Variants in SHANK2 observed in about 807,000 individuals in gnomAD.
The protein encoded by SHANK2 is SH3 and multiple ankyrin repeat domains protein 2.
Under a neutral mutation model 133.7 loss-of-function variants are expected in SHANK2, and 43 were observed. The observed-to-expected ratio is 0.32, with a 90% CI of 0.25 to 0.41. The LOEUF (loss-of-function observed/expected upper bound fraction) is 0.41. Ranked by LOEUF, SHANK2 falls within the 10% of genes least tolerant of loss-of-function variation. The pLI, the probability that SHANK2 is intolerant of heterozygous loss-of-function variation, is 1.00. For synonymous variants in SHANK2, 1,017 were observed against 952.8 expected (o/e 1.07, Z -1.24); for missense variants, 1,994 against 2,235.8 (o/e 0.89, Z 2.18).
intron 14 of SHANK2, among the ~76,000 whole-genome samples, chr11:70,718,300 A>T (rs1285179635): frequency 1.3e-5 from 2 of 152,184 alleles, no homozygotes; most frequent in Non-Finnish European, 2.9e-5. Flanking sequence ...CTTTCTGTGA[A>T]GGGGCAGCCG....
intron 10 of SHANK2, among the ~76,000 whole-genome samples, chr11:70,910,590 T>A (rs1950176639): frequency 6.6e-6 from 1 of 152,128 alleles, no homozygotes; most frequent in South Asian, 2.1e-4. Flanking sequence ...GACAGATGAC[T>A]TGAGGTCAGG....
chr11:70,814,489 T>C (rs1468778461), intron 12 of SHANK2, among the ~76,000 whole-genome samples: 3 of 152,198 alleles, frequency 2.0e-5, no homozygotes, highest in Non-Finnish European at 4.4e-5. Context: ...GAAGCCCCTC[T>C]GCGGGCCCCA....
chr11:70,611,012 C>T (rs967249182), intron 17 of SHANK2, among the ~76,000 whole-genome samples: 3 of 152,212 alleles, frequency 2.0e-5, no homozygotes, highest in Non-Finnish European at 1.5e-5. Flanking sequence ...CACCCTGATC[C>T]CTTTGAACGT....
chr11:71,136,120 T>C (rs1235997570), intron 3 of SHANK2, among the ~76,000 whole-genome samples: 12 of 152,226 alleles, frequency 7.9e-5, no homozygotes, highest in African/African-American at 1.9e-4. Flanking sequence ...CAGCTGACCA[T>C]TGAGTGGGAA....
intron 14 of SHANK2, among the ~76,000 whole-genome samples, chr11:70,710,611 AGT>A (rs1256684828): frequency 6.6e-6 from 1 of 152,224 alleles, no homozygotes; most frequent in African/African-American, 2.4e-5. Context: ...TTTGAAAGCA[AGT>A]ACTTTTCTCT....
At chr11:71,251,462 G>T (rs149126142) in intron 1 of SHANK2, among the ~76,000 whole-genome samples, 1,923 of 152,050 alleles carry the variant, frequency 0.013, 40 homozygotes, top group African/African-American at 0.044. Flanking sequence ...GTGCGCTGTC[G>T]GCGTCTCTGG....
At chr11:71,140,011 G>A (rs1293312915) in intron 3 of SHANK2, among the ~76,000 whole-genome samples, 2 of 152,192 alleles carry the variant, frequency 1.3e-5, no homozygotes, top group East Asian at 3.9e-4. Flanking sequence ...GGGCACTGGG[G>A]CCTCGGTGCA....
chr11:70,633,009 G>C (rs1314576802), intron 17 of SHANK2, among the ~76,000 whole-genome samples: 1 of 152,052 alleles, frequency 6.6e-6, no homozygotes, highest in Non-Finnish European at 1.5e-5. Flanking sequence ...ATTGAGGAGA[G>C]AGGTCCTGGG....
chr11:70,575,489 A>G (rs1554984040), intron 17 of SHANK2, among the ~76,000 whole-genome samples: 1 of 149,062 alleles, frequency 6.7e-6, no homozygotes, highest in Non-Finnish European at 1.5e-5. Context: ...ACTGCACTCC[A>G]GCCAGGGCAA....
chr11:70,800,035 G>GT (rs1172464403), intron 13 of SHANK2, among the ~76,000 whole-genome samples: 32 of 150,888 alleles, frequency 2.1e-4, no homozygotes, highest in African/African-American at 7.8e-4. Context: ...TTTTTTTTTT[G>GT]TTTTTTGTTT....
intron 14 of SHANK2, among the ~76,000 whole-genome samples, chr11:70,743,006 G>A (rs1298817117): frequency 6.6e-6 from 1 of 152,242 alleles, no homozygotes; most frequent in Admixed American, 6.5e-5. Context: ...ATATTTTGCT[G>A]AACACACCAT....
chr11:70,889,802 G>A (rs1949811192), intron 11 of SHANK2, among the ~76,000 whole-genome samples: 1 of 152,204 alleles, frequency 6.6e-6, no homozygotes, highest in Non-Finnish European at 1.5e-5. Flanking sequence ...CAGGAGTGGG[G>A]TGGTTCAGAA....
intron 11 of SHANK2, among the ~76,000 whole-genome samples, chr11:70,849,676 CA>C (rs1949054236): frequency 6.6e-6 from 1 of 152,130 alleles, no homozygotes; most frequent in Non-Finnish European, 1.5e-5. Context: ...CTTATGAGGG[CA>C]TTTATGTCAA....
chr11:70,518,834 T>A (rs1447685260), intron 17 of SHANK2, among the ~76,000 whole-genome samples: 2 of 152,218 alleles, frequency 1.3e-5, no homozygotes, highest in Admixed American at 6.5e-5. Context: ...CATGCCCAGA[T>A]CCTTCACCTC....
chr11:71,220,981 A>C (rs182128351), intron 2 of SHANK2, among the ~76,000 whole-genome samples: 2 of 151,634 alleles, frequency 1.3e-5, no homozygotes, highest in Non-Finnish European at 3.0e-5. Flanking sequence ...CAGGTGGATC[A>C]CTTGAGGTCA....
intron 17 of SHANK2, among the ~76,000 whole-genome samples, chr11:70,579,448 G>A (rs2060156757): frequency 1.3e-5 from 2 of 152,218 alleles, no homozygotes; most frequent in Admixed American, 1.3e-4. Context: ...GGCGCTTGCA[G>A]GCCACCCCAT....
rs149518639 is a variant in SHANK2, at chr11:70,554,307, A to G, written c.2062-51376T>C. On this transcript the variant is annotated intron_variant, in intron 17 of 25. Transcript: ENST00000601538. ...CAGTCTCAGATGGCCTCAAAAGTCAATGCGTGCTCAGATGATCACCCACAG... is the reference window on the plus strand; with the variant it reads ...CAGTCTCAGATGGCCTCAAAAGTCAGTGCGTGCTCAGATGATCACCCACAG... 7.7e-4 allele frequency among the ~76,000 whole-genome samples: 117 copies of G among 152,294 alleles called. 2 individuals are homozygous for G. The East Asian group carries it at 0.011, about 14-fold the overall frequency.
chr11:70,948,995 G>T (rs962211187), intron 10 of SHANK2, among the ~76,000 whole-genome samples: 1 of 151,970 alleles, frequency 6.6e-6, no homozygotes, highest in Non-Finnish European at 1.5e-5. Flanking sequence ...TCAACCAAAC[G>T]AGAGCTGGGC....
intron 17 of SHANK2, among the ~76,000 whole-genome samples, chr11:70,526,314 T>C (rs1554972110): frequency 6.6e-6 from 1 of 152,172 alleles, no homozygotes; most frequent in Non-Finnish European, 1.5e-5. Flanking sequence ...ACCACAGCTG[T>C]GACTGGACAA....
Sources: gnomAD v4.1 joint callset for allele counts (sites outside exome capture counted in the v4.1 genomes callset) on GRCh38, gnomAD v4.1.1 for gene constraint, MANE v1.5 for transcripts, NCBI Gene and HGNC (gene_info 2026-07-23, HGNC 2026-07-21) for gene names.